The following ST3GAL3 variants were observed in gnomAD, a reference collection of about 807,000 sequenced individuals.
ST3GAL3 encodes ST3 beta-galactoside alpha-2,3-sialyltransferase 3, also known as CMP-N-acetylneuraminate-beta-1,4-galactoside alpha-2,3-sialyltransferase.
A neutral mutation model predicts 50.1 loss-of-function variants in ST3GAL3; 21 were observed. The observed-to-expected ratio is 0.42, with a 90% CI of 0.30 to 0.60. The LOEUF is 0.60. Ranked by LOEUF, ST3GAL3 falls within the 20% of genes least tolerant of loss-of-function variation. The pLI, the probability that ST3GAL3 is intolerant of heterozygous loss-of-function variation, is 0.19. For synonymous variants in ST3GAL3, 183 were observed against 190.0 expected (o/e 0.96, Z 0.30); for missense variants, 353 against 489.4 (o/e 0.72, Z 2.63).
chr1:43,835,220 T>C (rs1203975111), intron 4 of ST3GAL3, among the ~76,000 whole-genome samples: 2 of 151,612 alleles, frequency 1.3e-5, no homozygotes, highest in Non-Finnish European at 2.9e-5. Context: ...GCATTTGGAG[T>C]GTGAGTGCCT....
intron 5 of ST3GAL3, among the ~76,000 whole-genome samples, chr1:43,862,724 A>C (rs908108548): frequency 3.3e-5 from 5 of 149,640 alleles, no homozygotes. Context: ...CCTGGGAAAC[A>C]TAGCGAGACT....
intron 3 of ST3GAL3, among the ~76,000 whole-genome samples, chr1:43,801,930 G>A (rs759221614): frequency 2.0e-5 from 3 of 152,180 alleles, no homozygotes; most frequent in Non-Finnish European, 2.9e-5. Context: ...AGCCCAGGAG[G>A]TCAAGAGTGG....
chr1:43,769,585 G>A (rs1173079334), intron 2 of ST3GAL3, among the ~76,000 whole-genome samples: 2 of 152,122 alleles, frequency 1.3e-5, no homozygotes, highest in Admixed American at 6.5e-5. Context: ...GGGAAGGTAG[G>A]AAAGAGAAGC....
intron 2 of ST3GAL3, among the ~76,000 whole-genome samples, chr1:43,784,906 T>G (rs1473110017): frequency 1.3e-5 from 2 of 152,242 alleles, no homozygotes; most frequent in African/African-American, 4.8e-5. Flanking sequence ...TTGTGATCAA[T>G]TCTCACCTCC....
chr1:43,862,338 G>A (rs1379668745), intron 5 of ST3GAL3, among the ~76,000 whole-genome samples: 1 of 152,186 alleles, frequency 6.6e-6, no homozygotes, highest in Non-Finnish European at 1.5e-5. Flanking sequence ...ACAGTTCTGT[G>A]TATACCACAT....
chr1:43,709,285 C>A (rs977040773), intron 1 of ST3GAL3: 2 of 152,198 alleles, frequency 1.3e-5, no homozygotes, highest in African/African-American at 4.8e-5. Context: ...GTACCTTTGT[C>A]CTGTGTGGTG....
At chr1:43,720,088 GAAT>G (rs1022851373) in intron 1 of ST3GAL3, among the ~76,000 whole-genome samples, 1 of 151,796 alleles carries the variant, frequency 6.6e-6, no homozygotes, top group African/African-American at 2.4e-5. Context: ...ACAAAAAATA[GAAT>G]AATTGGCTAG....
intron 5 of ST3GAL3, among the ~76,000 whole-genome samples, chr1:43,891,239 ACTC>A (rs2076639962): frequency 6.6e-6 from 1 of 152,134 alleles, no homozygotes; most frequent in Admixed American, 6.5e-5. Flanking sequence ...AGTTGAAAAG[ACTC>A]CACTGGCCAA....
intron 3 of ST3GAL3, among the ~76,000 whole-genome samples, chr1:43,806,348 AAAG>A (rs1558382583): frequency 6.6e-6 from 1 of 152,132 alleles, no homozygotes; most frequent in African/African-American, 2.4e-5. Context: ...CTCAGGCATA[AAAG>A]AAGGGAGTGG....
intron 11 of ST3GAL3, among the ~76,000 whole-genome samples, chr1:43,923,337 T>C (rs1038777707): frequency 6.6e-6 from 1 of 151,840 alleles, no homozygotes; most frequent in Admixed American, 6.6e-5. Flanking sequence ...GCATGTTCTC[T>C]AGGAGATTTA....
intron 2 of ST3GAL3, among the ~76,000 whole-genome samples, chr1:43,766,167 T>C (rs1692878543): frequency 1.3e-5 from 2 of 152,322 alleles, no homozygotes; most frequent in South Asian, 4.1e-4. Flanking sequence ...CAAGTAGCCC[T>C]TAAGTCAGAG....
intron 9 of ST3GAL3, chr1:43,919,069 CTTTTTTTTTT>C (rs1170641209): frequency 3.3e-5 from 2 of 60,318 alleles, no homozygotes; most frequent in South Asian, 1.7e-3. Flanking sequence ...TTCTTTGTTT[CTTTTTTTTTT>C]TTTTTTTTTT....
rs960346653 is a variant in ST3GAL3, at chr1:43,826,714, G to A, written c.210-11505G>A. ...CTCAACAAAATTATTAGCAAATTGA[G>A]TTCAGCAATGTATAAAAAGAATTAC... On this transcript the variant is annotated intron_variant, in intron 4 of 11. Coordinates refer to ENST00000347631, the MANE Select transcript of ST3GAL3 (RefSeq NM_006279.5). 1.2e-4 allele frequency among the ~76,000 whole-genome samples: 18 copies of A among 152,264 alleles called. No homozygotes were observed. In the South Asian group the frequency reaches 1.9e-3, roughly 16 times the overall value.
intron 2 of ST3GAL3, among the ~76,000 whole-genome samples, chr1:43,744,493 G>A (rs1209272075): frequency 2.6e-5 from 4 of 151,372 alleles, no homozygotes; most frequent in South Asian, 2.1e-4. Flanking sequence ...TGCCCGCCTC[G>A]GCCTTCCAAA....
chr1:43,808,371 C>T (rs1052914771), intron 3 of ST3GAL3, among the ~76,000 whole-genome samples: 114 of 148,388 alleles, frequency 7.7e-4, no homozygotes, highest in Admixed American at 7.2e-3. Context: ...TTGGTTTGGG[C>T]GCAATGGAAA....
At chr1:43,802,059 G>A (rs2059386538) in intron 3 of ST3GAL3, among the ~76,000 whole-genome samples, 1 of 151,880 alleles carries the variant, frequency 6.6e-6, no homozygotes, top group East Asian at 1.9e-4. Context: ...GAAACACAAA[G>A]TATTAAGAAA....
Position 43,892,264 on chromosome 1 carries a change from A to AT in ST3GAL3, c.303-2108dup, listed in dbSNP as rs903677371. 4.5e-4 allele frequency among the ~76,000 whole-genome samples: 66 copies of AT among 146,642 alleles called. No homozygotes were observed. The East Asian group carries it at 6.0e-3, about 13-fold the overall frequency. ...AGCCTGAACCCAATCTTGATCAATA[A>AT]TTTTTTTTTTTGAGGCAAGTTCTCA... On this transcript the variant is annotated intron_variant, in intron 5 of 11. Coordinates refer to ENST00000347631, the MANE Select transcript of ST3GAL3 (RefSeq NM_006279.5).
intron 5 of ST3GAL3, among the ~76,000 whole-genome samples, chr1:43,869,534 A>G (rs2072130260): frequency 6.6e-6 from 1 of 152,160 alleles, no homozygotes; most frequent in African/African-American, 2.4e-5. Flanking sequence ...AAGGAGAAGC[A>G]TCTCCCCATT....
chr1:43,771,889 G>T, intron 2 of ST3GAL3: 1 of 398,354 alleles, frequency 2.5e-6, no homozygotes. Context: ...TACAGAAGAT[G>T]GCCTGTTTCA....
Sources: allele counts gnomAD v4.1 joint callset (sites outside exome capture counted in the v4.1 genomes callset), GRCh38; gene constraint gnomAD v4.1.1; transcripts MANE v1.5; gene names NCBI Gene and HGNC (gene_info 2026-07-23, HGNC 2026-07-21).